TCF7L2: variants seen among roughly 807,000 people sequenced by gnomAD.
TCF7L2 encodes the protein transcription factor 7 like 2.
TCF7L2 carries 23 observed loss-of-function variants against 77.9 expected under a neutral mutation model. That is an observed-to-expected ratio of 0.30 (90% CI 0.21 to 0.42). The LOEUF (loss-of-function observed/expected upper bound fraction) is 0.42. TCF7L2 is among the 10% of genes least tolerant of loss of function. The probability of loss-of-function intolerance (pLI) is 1.00; values close to 1 mark genes in which losing one functional copy is unlikely to be tolerated. For synonymous variants in TCF7L2, 413 were observed against 340.2 expected (o/e 1.21, Z -2.36); for missense variants, 654 against 793.1 (o/e 0.82, Z 2.11).
chr10:113,106,935 C>T (rs2062398903), intron 5 of TCF7L2, among the ~76,000 whole-genome samples: 1 of 152,218 alleles, frequency 6.6e-6, no homozygotes, highest in Admixed American at 6.5e-5. Flanking sequence ...TTGTGGATCA[C>T]CAGTTCTCGA....
intron 4 of TCF7L2, among the ~76,000 whole-genome samples, chr10:112,965,633 G>A (rs1432947545): frequency 1.2e-3 from 12 of 9,654 alleles, no homozygotes; most frequent in Admixed American, 2.6e-3. Context: ...GTGTATATGT[G>A]TGTGTGTGTG....
chr10:113,109,612 A>G (rs564556809), intron 5 of TCF7L2, among the ~76,000 whole-genome samples: 4 of 152,166 alleles, frequency 2.6e-5, no homozygotes, highest in Non-Finnish European at 5.9e-5. Context: ...GCTGGTCTCG[A>G]ACTCCTGACC....
intron 4 of TCF7L2, among the ~76,000 whole-genome samples, chr10:112,977,807 T>C (rs2135114620): frequency 6.6e-6 from 1 of 152,226 alleles, no homozygotes; most frequent in Non-Finnish European, 1.5e-5. Context: ...AGCTGGGGTG[T>C]CGTCTCAGCA....
chr10:113,167,385 T>A lies in TCF7L2; in HGVS notation c.*1413T>A. 4.4e-6 allele frequency: 1 copy of A among 226,298 alleles called. No homozygotes were observed. The highest frequency in any genetic ancestry group is 6.4e-5 in the East Asian group (1 of 15,580). The allele number at this position is 226,298 out of a possible 1,614,324, so 14.0% of individuals were successfully genotyped here. ...ACCTAGGCATGTTGATGTTGCAAAA[T>A]GCTGTATAAAGCTGAAACCTGTTCA... On this transcript the variant is annotated 3_prime_UTR_variant, in exon 14 of 14. Coordinates refer to ENST00000627217, the MANE Select transcript of TCF7L2 (RefSeq NM_001146274.2).
chr10:113,144,120 G>A (rs991355432), intron 7 of TCF7L2, 95 bp downstream of exon 7: 6 of 958,186 alleles, frequency 6.3e-6, no homozygotes, highest in East Asian at 2.9e-5. Flanking sequence ...GTGTGTGTGT[G>A]TGTGTGTGTG....
At chr10:113,149,870 T>C (rs538263461) in intron 8 of TCF7L2, among the ~76,000 whole-genome samples, 2 of 152,358 alleles carry the variant, frequency 1.3e-5, no homozygotes, top group East Asian at 3.9e-4. Flanking sequence ...TGTTTACTTT[T>C]GGGATTCTGC....
Position 113,167,361 on chromosome 10 carries a change from C to T in TCF7L2, c.*1389C>T, listed in dbSNP as rs527480276. 2 of 225,626 alleles carry T rather than the reference C, an allele frequency of 8.9e-6. No homozygotes were observed. Among genetic ancestry groups the T allele is most frequent in the Non-Finnish European group, 1.8e-5 (2 of 113,520 alleles). The allele number at this position is 225,626 out of a possible 1,614,324, so 14.0% of individuals were successfully genotyped here. The stretch of plus-strand genomic sequence containing the variant: ...CAGCAGACTTTAAAAATAAAAAAAA[C>T]CTAGGCATGTTGATGTTGCAAAATG... On this transcript the variant is annotated 3_prime_UTR_variant, in exon 14 of 14. Coordinates refer to ENST00000627217, the MANE Select transcript of TCF7L2 (RefSeq NM_001146274.2).
intron 5 of TCF7L2, among the ~76,000 whole-genome samples, chr10:113,059,780 A>G (rs773302001): frequency 3.9e-5 from 6 of 152,170 alleles, no homozygotes; most frequent in African/African-American, 7.2e-5. Flanking sequence ...AAGGGGAGAA[A>G]AAAGACAGAA....
rs1408016317 is a variant in TCF7L2, at chr10:112,950,394, T to C, written c.-363T>C. 1 of 252,290 alleles carries C rather than the reference T, an allele frequency of 4.0e-6. No individual in the cohort carries two copies. Among genetic ancestry groups the C allele is most frequent in the Non-Finnish European group, 7.3e-6 (1 of 137,060 alleles). 15.6% of individuals were successfully genotyped at this position (252,290 alleles called of 1,614,324 possible). On this transcript the variant is annotated 5_prime_UTR_variant, in exon 1 of 14. Coordinates refer to ENST00000627217, the MANE Select transcript of TCF7L2 (RefSeq NM_001146274.2). ...CCGAGCGGCACGAGCACCTCCTGTA[T>C]CTTCGGCTTCCCCCCCCCTTTGCTC... is the stretch of plus-strand genomic sequence containing the variant.
intron 5 of TCF7L2, among the ~76,000 whole-genome samples, chr10:113,057,046 A>G (rs2055511566): frequency 6.6e-6 from 1 of 152,164 alleles, no homozygotes; most frequent in African/African-American, 2.4e-5. Context: ...AGATCTTTTT[A>G]TTTGTTCTTA....
chr10:113,092,529 T>G (rs1474481049), intron 5 of TCF7L2, among the ~76,000 whole-genome samples: 1 of 152,224 alleles, frequency 6.6e-6, no homozygotes, highest in Non-Finnish European at 1.5e-5. Context: ...CTCAGTTATG[T>G]GTTCCATGTA....
At chr10:113,146,624 T>G (rs1415025067) in intron 8 of TCF7L2, among the ~76,000 whole-genome samples, 3 of 151,710 alleles carry the variant, frequency 2.0e-5, no homozygotes, top group Non-Finnish European at 2.9e-5. Flanking sequence ...AGTTTTTGTT[T>G]TTTTTTTTTT....
At chr10:113,040,869 TC>T (rs1258512278) in intron 5 of TCF7L2, among the ~76,000 whole-genome samples, 1 of 152,230 alleles carries the variant, frequency 6.6e-6, no homozygotes, top group Non-Finnish European at 1.5e-5. Context: ...TGTATTTATA[TC>T]ATGAGCTGGA....
At chr10:113,035,296 G>A (rs2050981643) in intron 4 of TCF7L2, among the ~76,000 whole-genome samples, 1 of 152,158 alleles carries the variant, frequency 6.6e-6, no homozygotes, top group Non-Finnish European at 1.5e-5. Flanking sequence ...TGGATTGAAG[G>A]CCCAGCAAGG....
At chr10:113,141,119 T>C (rs2136831042) in intron 5 of TCF7L2, 65 bp from the exon 6 acceptor site, 1 of 1,592,120 alleles carries the variant, frequency 6.3e-7, no homozygotes. Context: ...ACGGGCCCGG[T>C]GCTCTGAAGC....
chr10:112,950,982 C>G (rs1331992841), intron 1 of TCF7L2, 37 bp downstream of exon 1: 1 of 1,585,560 alleles, frequency 6.3e-7, no homozygotes, highest in Non-Finnish European at 8.6e-7. Context: ...GGTTTTTTAT[C>G]TGTTTCCTGG....
intron 5 of TCF7L2, among the ~76,000 whole-genome samples, chr10:113,077,652 G>A (rs1186320246): frequency 2.0e-5 from 3 of 150,198 alleles, no homozygotes; most frequent in South Asian, 4.2e-4. Flanking sequence ...TTCAAGGTTC[G>A]TCCATGTTGC....
chr10:113,003,971 A>C (rs923073357), intron 4 of TCF7L2, among the ~76,000 whole-genome samples: 1 of 152,216 alleles, frequency 6.6e-6, no homozygotes, highest in African/African-American at 2.4e-5. Context: ...GAGGGATTTT[A>C]GGTACCCTTG....
intron 4 of TCF7L2, among the ~76,000 whole-genome samples, chr10:113,020,383 A>G (rs1050764938): frequency 6.6e-6 from 1 of 152,066 alleles, no homozygotes; most frequent in Non-Finnish European, 1.5e-5. Flanking sequence ...GTGTGTCTGG[A>G]TTCTTCCAGC....
Sources: allele counts gnomAD v4.1 joint callset (sites outside exome capture counted in the v4.1 genomes callset), GRCh38; gene constraint gnomAD v4.1.1; transcripts MANE v1.5; gene names NCBI Gene and HGNC (gene_info 2026-07-23, HGNC 2026-07-21).